SAMD4A: variants seen among roughly 807,000 people sequenced by gnomAD.
SAMD4A encodes the protein protein Smaug homolog 1.
In SAMD4A, 33 loss-of-function variants were observed where a neutral mutation model predicts 81.3. The ratio of observed to expected loss-of-function variants is 0.41; its 90% CI spans 0.31 to 0.54. The LOEUF (loss-of-function observed/expected upper bound fraction) is 0.54, where lower values mean the gene tolerates loss of function less well. Ranked by LOEUF, SAMD4A falls within the 20% of genes least tolerant of loss-of-function variation. SAMD4A has a pLI of 0.37. For missense variants in SAMD4A, 854 were observed against 951.1 expected (o/e 0.90, Z 1.34); for synonymous variants, 389 against 382.1 (o/e 1.02, Z -0.21).
chr14:54,750,169 A>G (rs1226638880), intron 5 of SAMD4A, among the ~76,000 whole-genome samples: 1 of 152,240 alleles, frequency 6.6e-6, no homozygotes, highest in African/African-American at 2.4e-5. Flanking sequence ...ACTTGAGGAA[A>G]AAAAACAAGA....
intron 5 of SAMD4A, among the ~76,000 whole-genome samples, chr14:54,749,886 C>T (rs1242817979): frequency 1.3e-5 from 2 of 152,216 alleles, no homozygotes; most frequent in Non-Finnish European, 2.9e-5. Flanking sequence ...CATACCTCCC[C>T]GCAGATCACC....
At chr14:54,773,191 C>T (rs185045336) in intron 9 of SAMD4A, among the ~76,000 whole-genome samples, 4 of 152,206 alleles carry the variant, frequency 2.6e-5, no homozygotes, top group Middle Eastern at 6.8e-3. Flanking sequence ...TTTAAGAATT[C>T]TGGGGAGAAG....
At chr14:54,737,365 A>G (rs2037722229) in intron 4 of SAMD4A, 78 bp downstream of exon 4, 2 of 1,545,292 alleles carry the variant, frequency 1.3e-6, no homozygotes, top group Non-Finnish European at 1.8e-6. Flanking sequence ...AAAGAGAGGT[A>G]GTCAGCAAGA....
chr14:54,617,412 G>A (rs2034514941), intron 2 of SAMD4A, among the ~76,000 whole-genome samples: 2 of 151,884 alleles, frequency 1.3e-5, no homozygotes, highest in African/African-American at 2.4e-5. Flanking sequence ...TTCACTCAAA[G>A]TTCAGGGTAG....
At chr14:54,658,476 T>C (rs2035572209) in intron 2 of SAMD4A, among the ~76,000 whole-genome samples, 2 of 152,054 alleles carry the variant, frequency 1.3e-5, no homozygotes, top group Non-Finnish European at 2.9e-5. Flanking sequence ...ATTTTGACCT[T>C]CTTTTCTGAA....
chr14:54,719,377 T>A (rs2140852171), intron 3 of SAMD4A, among the ~76,000 whole-genome samples: 1 of 152,320 alleles, frequency 6.6e-6, no homozygotes, highest in South Asian at 2.1e-4. Context: ...AGTTTGCTTT[T>A]CTTCAAGTCC....
intron 2 of SAMD4A, among the ~76,000 whole-genome samples, chr14:54,609,713 T>A (rs1594729945): frequency 6.6e-6 from 1 of 152,354 alleles, no homozygotes; most frequent in African/African-American, 2.4e-5. Context: ...TGCCCTTTTT[T>A]CTCTGCCACA....
Position 54,769,966 on chromosome 14 carries a change from C to A in SAMD4A, c.1597-138C>A, listed in dbSNP as rs1426574438. On this transcript the variant is annotated intron_variant, in intron 8 of 12. Coordinates refer to ENST00000554335, the MANE Select transcript of SAMD4A (RefSeq NM_015589.6). The stretch of plus-strand genomic sequence containing the variant: ...TAGGGCAGCTCCCAAATTAAACTGA[C>A]TACGTTTGGACCAGGTTAGAAACAG... The A allele has an allele frequency of 6.4e-6, 4 of 626,380 alleles. No homozygotes were observed. The Admixed American group carries it at 1.0e-4, about 16-fold the overall frequency. The allele number at this position is 626,380 out of a possible 1,614,324, so 38.8% of individuals were successfully genotyped here.
intron 2 of SAMD4A, among the ~76,000 whole-genome samples, chr14:54,574,294 T>C (rs2033220843): frequency 6.6e-6 from 1 of 151,972 alleles, no homozygotes; most frequent in Admixed American, 6.5e-5. Flanking sequence ...TGAAATTGAG[T>C]GAAAGGAGAG....
intron 2 of SAMD4A, among the ~76,000 whole-genome samples, chr14:54,579,994 G>A (rs2033418117): frequency 6.6e-6 from 1 of 152,222 alleles, no homozygotes; most frequent in Admixed American, 6.5e-5. Flanking sequence ...AGGAAAATAT[G>A]TTACAGTTGG....
intron 2 of SAMD4A, among the ~76,000 whole-genome samples, chr14:54,586,914 C>CT (rs2033638350): frequency 6.6e-6 from 1 of 151,920 alleles, no homozygotes. Context: ...TATGTGGGCT[C>CT]TTTTTTGGTT....
Position 54,681,748 on chromosome 14 carries a change from T to C in SAMD4A, c.197-20314T>C, listed in dbSNP as rs143782262. On this transcript the variant is annotated intron_variant, in intron 2 of 12. Transcript: ENST00000554335. ...CGCCCTGCCTTTTAGAAAACTTTTT[T>C]ATTTTAATTAGTTTTTTGATGGAGC... 1,228 of 981,256 alleles carry C rather than the reference T, an allele frequency of 1.3e-3. 24 individuals carry two copies. In the South Asian group the frequency reaches 0.031, roughly 25 times the overall value. The allele number at this position is 981,256 out of a possible 1,614,324, so 60.8% of individuals were successfully genotyped here.
intron 2 of SAMD4A, among the ~76,000 whole-genome samples, chr14:54,592,597 C>G (rs1326701766): frequency 6.6e-6 from 1 of 152,082 alleles, no homozygotes; most frequent in African/African-American, 2.4e-5. Context: ...GTAGCTGGGA[C>G]TACAGGTGGC....
At chr14:54,588,754 G>A (rs996112174) in intron 2 of SAMD4A, among the ~76,000 whole-genome samples, 1 of 151,964 alleles carries the variant, frequency 6.6e-6, no homozygotes. Context: ...TTTTCCATGA[G>A]AACATTTGTT....
intron 2 of SAMD4A, among the ~76,000 whole-genome samples, chr14:54,611,587 C>A (rs2034356477): frequency 6.6e-6 from 1 of 152,086 alleles, no homozygotes; most frequent in Non-Finnish European, 1.5e-5. Context: ...AGAAAATAAG[C>A]CAGTTGGGGC....
intron 3 of SAMD4A, among the ~76,000 whole-genome samples, chr14:54,732,704 G>T (rs1039722978): frequency 5.3e-5 from 8 of 152,096 alleles, no homozygotes; most frequent in Non-Finnish European, 1.2e-4. Flanking sequence ...TGGACTATTT[G>T]CTTATGTGGA....
At chr14:54,573,171 A>ACT (rs1231085649) in intron 2 of SAMD4A, among the ~76,000 whole-genome samples, 1 of 152,206 alleles carries the variant, frequency 6.6e-6, no homozygotes, top group Non-Finnish European at 1.5e-5. Context: ...CCTGCAGTTT[A>ACT]CTGCTGCTTG....
chr14:54,749,357 T>C (rs943371564), intron 5 of SAMD4A, among the ~76,000 whole-genome samples: 1 of 152,190 alleles, frequency 6.6e-6, no homozygotes, highest in Non-Finnish European at 1.5e-5. Flanking sequence ...AGATCCATTG[T>C]CTGTTGTCTA....
rs567831973 is a variant in SAMD4A at position 54,727,166 on chromosome 14, C to CTTTTTTTTTTTTTTTTTTTTT, written c.716-9837_716-9817dup. ...TTATCACAACAGCCTTCTTTTTTTCCTTTTTTTTTTTTTTTTTTTTTTTTT... is the reference window on the plus strand; with the variant it reads ...TTATCACAACAGCCTTCTTTTTTTCCTTTTTTTTTTTTTTTTTTTTTTTTTTTTTTTTTTTTTTTTTTTTTT... On this transcript the variant is annotated intron_variant, in intron 3 of 12. Transcript: ENST00000554335. Among the ~76,000 whole-genome samples, 5 of 59,146 alleles carry CTTTTTTTTTTTTTTTTTTTTT rather than the reference C, an allele frequency of 8.5e-5. 1 individual carries two copies. The highest frequency in any genetic ancestry group is 1.7e-4 in the Non-Finnish European group (5 of 29,778). The allele number at this position is 59,146 out of a possible 152,430, so 38.8% of individuals were successfully genotyped here. A position where few individuals can be genotyped will look rare whatever the true frequency, so the allele number is the denominator to read the frequency against.
Sources: allele counts gnomAD v4.1 joint callset (sites outside exome capture counted in the v4.1 genomes callset), GRCh38; gene constraint gnomAD v4.1.1; transcripts MANE v1.5; gene names NCBI Gene and HGNC (gene_info 2026-07-23, HGNC 2026-07-21).